The following EDA variants were observed in gnomAD, a reference collection of about 807,000 sequenced individuals.
EDA encodes the protein ectodysplasin-A.
A neutral mutation model predicts 23.6 loss-of-function variants in EDA; 2 were observed. That is an observed-to-expected ratio of 0.08 (90% confidence interval 0.03 to 0.27). EDA has a LOEUF of 0.27. Ranked by LOEUF, EDA falls within the 10% of genes least tolerant of loss-of-function variation. EDA has a pLI of 1.00. For missense variants in EDA, 229 were observed against 324.2 expected, an observed-to-expected ratio of 0.71 and a Z score of 2.26; for synonymous variants, 131 against 132.0, an observed-to-expected ratio of 0.99 and a Z score of 0.05.
intron 1 of EDA, among the ~76,000 whole-genome samples, chrX:69,673,498 C>A (rs1933973848): frequency 1.8e-5 from 2 of 110,950 alleles, no homozygotes; most frequent in Non-Finnish European, 3.8e-5. Context: ...TCAGCATATT[C>A]GGTATGCTAT....
At chrX:69,641,811 C>T (rs1388863889) in intron 1 of EDA, among the ~76,000 whole-genome samples, 2 of 111,454 alleles carry the variant, frequency 1.8e-5, no homozygotes, top group Non-Finnish European at 3.8e-5. Flanking sequence ...TATGAGAAGA[C>T]AAGAGCTCGG....
intron 1 of EDA, chrX:69,729,231 C>T (rs188375034): frequency 9.0e-6 from 1 of 111,652 alleles, no homozygotes; most frequent in Non-Finnish European, 1.9e-5. Flanking sequence ...CACCTACCAG[C>T]ATCTGTGCCA....
intron 1 of EDA, among the ~76,000 whole-genome samples, chrX:69,751,033 A>T (rs2013829659): frequency 3.7e-5 from 4 of 109,191 alleles, no homozygotes; most frequent in Non-Finnish European, 7.7e-5. Flanking sequence ...GTTTAATTAG[A>T]TCCCATTTGT....
Position 70,028,638 on chromosome X carries a change from G to A in EDA, c.706+602G>A, listed in dbSNP as rs2020153920. On this transcript the variant is annotated intron_variant, in intron 4 of 7. Coordinates refer to ENST00000374552, the MANE Select transcript of EDA (RefSeq NM_001399.5). ...CAAGGCTGTCCTGTCCGGGAACCAA[G>A]TGCTTCTTGCACTAGATCCTTACCC... 2.7e-5 allele frequency among the ~76,000 whole-genome samples: 3 copies of A among 112,689 alleles called. No homozygotes were observed. In the South Asian group the frequency reaches 1.1e-3, roughly 42 times the overall value.
At chrX:69,788,837 G>A (rs1367588322) in intron 1 of EDA, among the ~76,000 whole-genome samples, 1 of 113,322 alleles carries the variant, frequency 8.8e-6, no homozygotes, top group Non-Finnish European at 1.9e-5. Context: ...CAGCTTCCCA[G>A]CTGCTTTGTT....
chrX:69,639,044 C>G (rs1276702372), intron 1 of EDA, among the ~76,000 whole-genome samples: 1 of 109,393 alleles, frequency 9.1e-6, no homozygotes, highest in Admixed American at 9.9e-5. Flanking sequence ...CCTTTCATGA[C>G]TGGCTTACTT....
chrX:70,033,375 G>A (rs1602622773), intron 6 of EDA, 23 bp from the exon 7 acceptor site: 3 of 1,210,109 alleles, frequency 2.5e-6, no homozygotes, highest in African/African-American at 3.5e-5. Context: ...TGTACTGAGT[G>A]ACTGCCCTTC....
intron 1 of EDA, among the ~76,000 whole-genome samples, chrX:69,632,753 C>T (rs1932648216): frequency 8.9e-6 from 1 of 111,938 alleles, no homozygotes; most frequent in African/African-American, 3.2e-5. Context: ...TCCATTTGCC[C>T]CCACTCTTGT....
At chrX:69,679,611 G>A (rs1934252723) in intron 1 of EDA, among the ~76,000 whole-genome samples, 1 of 111,902 alleles carries the variant, frequency 8.9e-6, no homozygotes, top group African/African-American at 3.3e-5. Flanking sequence ...TTTGTGTAGA[G>A]GTGTTTGTCG....
At chrX:69,889,648 T>G (rs978933396) in intron 1 of EDA, among the ~76,000 whole-genome samples, 2 of 112,197 alleles carry the variant, frequency 1.8e-5, no homozygotes, top group Non-Finnish European at 3.8e-5. Context: ...CATTTGATTT[T>G]TTATTTATAT....
chrX:69,797,703 C>T (rs182624321), intron 1 of EDA, among the ~76,000 whole-genome samples: 151 of 111,317 alleles, frequency 1.4e-3, no homozygotes, highest in Non-Finnish European at 2.0e-3. Flanking sequence ...CAAACGGTAC[C>T]ACTACAGAAA....
At chrX:70,009,203 G>T (rs962530880) in intron 2 of EDA, among the ~76,000 whole-genome samples, 2 of 111,384 alleles carry the variant, frequency 1.8e-5, no homozygotes, top group Non-Finnish European at 3.8e-5. Context: ...CAATTTTTTT[G>T]ATCTGGGAAC....
intron 1 of EDA, among the ~76,000 whole-genome samples, chrX:69,682,551 T>A (rs1482293535): frequency 3.6e-5 from 4 of 112,030 alleles, no homozygotes; most frequent in Admixed American, 9.4e-5. Flanking sequence ...CCCTCGGAAA[T>A]GCGCAGTATT....
intron 2 of EDA, among the ~76,000 whole-genome samples, chrX:69,961,195 G>A (rs1182861501): frequency 7.2e-5 from 8 of 111,159 alleles, no homozygotes; most frequent in South Asian, 3.8e-4. Flanking sequence ...GGCTGGTCTC[G>A]AACTGCTGAC....
intron 2 of EDA, among the ~76,000 whole-genome samples, chrX:70,002,470 T>C (rs1270935745): frequency 8.9e-6 from 1 of 111,963 alleles, no homozygotes; most frequent in Non-Finnish European, 1.9e-5. Context: ...CTTTAAGTTA[T>C]GTCACCATGA....
intron 2 of EDA, among the ~76,000 whole-genome samples, chrX:70,006,654 T>C (rs751113615): frequency 4.5e-5 from 5 of 112,331 alleles, no homozygotes; most frequent in African/African-American, 1.6e-4. Flanking sequence ...ATAAGAGTTC[T>C]TTATGTATTT....
At chrX:69,917,140 T>C (rs760833148) in intron 1 of EDA, among the ~76,000 whole-genome samples, 13 of 110,907 alleles carry the variant, frequency 1.2e-4, no homozygotes, top group African/African-American at 4.3e-4. Flanking sequence ...TTTGCCATGT[T>C]GGCCAGGCTG....
chrX:70,037,665 A>C lies in EDA; in HGVS notation c.*2056A>C, dbSNP rs1239000443. 9.0e-6 allele frequency: 1 copy of C among 111,585 alleles called. No homozygotes were observed. Among genetic ancestry groups the C allele is most frequent in the Non-Finnish European group, 1.9e-5 (1 of 53,116 alleles). The allele number at this position is 111,585 out of a possible 1,213,427, so 9.2% of individuals were successfully genotyped here. On this transcript the variant is annotated 3_prime_UTR_variant, in exon 8 of 8. Transcript: ENST00000374552. ...ATTGTGTGGAATTTGAGGTCTAGAG[A>C]GAACCAATAAAAGTGGTAATTGGGA...
chrX:69,921,663 A>G (rs1046934298), intron 1 of EDA, among the ~76,000 whole-genome samples: 3 of 110,891 alleles, frequency 2.7e-5, no homozygotes, highest in South Asian at 7.7e-4. Context: ...TAGTCTTACA[A>G]ACTCATTTCC....
Sources: gnomAD v4.1 joint callset for allele counts (sites outside exome capture counted in the v4.1 genomes callset) on GRCh38, gnomAD v4.1.1 for gene constraint, MANE v1.5 for transcripts, NCBI Gene and HGNC (gene_info 2026-07-23, HGNC 2026-07-21) for gene names.